The following KAZN variants were observed in gnomAD, a reference collection of about 807,000 sequenced individuals.
KAZN encodes the protein kazrin.
KAZN carries 40 observed loss-of-function variants against 87.4 expected under a neutral mutation model. That is an observed-to-expected ratio of 0.46 (90% CI 0.36 to 0.60). KAZN has a LOEUF of 0.60. Among genes scored for constraint, KAZN ranks in the 20% least tolerant of loss-of-function variants. The probability of loss-of-function intolerance (pLI) is 0.00; values close to 1 mark genes in which losing one functional copy is unlikely to be tolerated. For synonymous variants in KAZN, 466 were observed against 458.3 expected (o/e 1.02, Z -0.22); for missense variants, 898 against 1,073.9 (o/e 0.84, Z 2.29).
intron 1 of KAZN, among the ~76,000 whole-genome samples, chr1:13,979,914 G>C (rs1247553220): frequency 8.0e-6 from 1 of 124,844 alleles, no homozygotes; most frequent in Non-Finnish European, 1.6e-5. Flanking sequence ...CTGGGCGACA[G>C]AGCAAGACTC....
intron 2 of KAZN, among the ~76,000 whole-genome samples, chr1:14,331,413 G>T (rs1355457457): frequency 6.6e-6 from 1 of 152,184 alleles, no homozygotes; most frequent in African/African-American, 2.4e-5. Flanking sequence ...ACAATTGACA[G>T]TAGTTTCTGA....
chr1:15,015,043 T>C (rs1434304923), intron 2 of KAZN, among the ~76,000 whole-genome samples: 1 of 152,200 alleles, frequency 6.6e-6, no homozygotes, highest in Non-Finnish European at 1.5e-5. Context: ...TAATAATATA[T>C]AAAGTTTTAG....
chr1:14,253,485 A>G (rs1650234826), intron 2 of KAZN, among the ~76,000 whole-genome samples: 1 of 152,238 alleles, frequency 6.6e-6, no homozygotes, highest in South Asian at 2.1e-4. Context: ...AATTGTCCAT[A>G]GGACTATTTG....
At chr1:13,969,013 T>C (rs111779105) in intron 1 of KAZN, among the ~76,000 whole-genome samples, 22 of 152,340 alleles carry the variant, frequency 1.4e-4, no homozygotes, top group African/African-American at 5.3e-4. Context: ...TATTTGTACC[T>C]GTATGGATTA....
intron 1 of KAZN, among the ~76,000 whole-genome samples, chr1:14,096,738 A>G (rs1238460522): frequency 6.6e-6 from 1 of 152,202 alleles, no homozygotes; most frequent in Non-Finnish European, 1.5e-5. Context: ...TTATGAGCTG[A>G]GGTTCTCAGA....
chr1:14,662,444 C>A (rs1371880128), intron 1 of KAZN, among the ~76,000 whole-genome samples: 1 of 152,066 alleles, frequency 6.6e-6, no homozygotes. Flanking sequence ...CCCTTGTCTT[C>A]GGGACTAAAC....
At chr1:14,256,502 A>G (rs907987897) in intron 2 of KAZN, among the ~76,000 whole-genome samples, 2 of 152,172 alleles carry the variant, frequency 1.3e-5, no homozygotes, top group Admixed American at 1.3e-4. Context: ...AAGGAGACAG[A>G]GAGAGGAAAG....
At chr1:15,069,896 C>T (rs992904463) in intron 8 of KAZN, among the ~76,000 whole-genome samples, 4 of 152,214 alleles carry the variant, frequency 2.6e-5, no homozygotes, top group Non-Finnish European at 5.9e-5. Flanking sequence ...GCTAAAACAG[C>T]TGTAACCAAT....
At chr1:14,256,337 C>T (rs1042525757) in intron 2 of KAZN, among the ~76,000 whole-genome samples, 1 of 152,038 alleles carries the variant, frequency 6.6e-6, no homozygotes, top group African/African-American at 2.4e-5. Flanking sequence ...ATTAGACACC[C>T]CATATTACCC....
intron 2 of KAZN, among the ~76,000 whole-genome samples, chr1:14,259,418 G>C (rs1478455976): frequency 2.0e-5 from 3 of 152,098 alleles, no homozygotes; most frequent in Non-Finnish European, 4.4e-5. Flanking sequence ...ACAAGCACGT[G>C]ATGTACCCAG....
At chr1:14,388,022 C>T (rs966857271) in intron 2 of KAZN, among the ~76,000 whole-genome samples, 2 of 152,176 alleles carry the variant, frequency 1.3e-5, no homozygotes, top group East Asian at 3.9e-4. Context: ...CCTGGTGTGC[C>T]GTTTTTTAAG....
chr1:14,947,845 G>A (rs773444995), intron 1 of KAZN, among the ~76,000 whole-genome samples: 8 of 152,248 alleles, frequency 5.3e-5, no homozygotes, highest in Non-Finnish European at 1.2e-4. Flanking sequence ...GTGGCTGTGG[G>A]TTGGTGCAAA....
chr1:14,634,261 G>A (rs965715184), intron 1 of KAZN, among the ~76,000 whole-genome samples: 6 of 152,074 alleles, frequency 3.9e-5, no homozygotes, highest in Non-Finnish European at 8.8e-5. Flanking sequence ...CTGTCCCCAC[G>A]AGTATGTATC....
At chr1:14,862,775 G>A (rs551248603) in intron 1 of KAZN, among the ~76,000 whole-genome samples, 2 of 152,314 alleles carry the variant, frequency 1.3e-5, no homozygotes, top group South Asian at 4.1e-4. Context: ...TATTCGGGAT[G>A]TGCTCAGCTT....
At chr1:14,703,844 G>A (rs968683515) in intron 1 of KAZN, among the ~76,000 whole-genome samples, 13 of 152,260 alleles carry the variant, frequency 8.5e-5, no homozygotes, top group East Asian at 3.9e-4. Flanking sequence ...GCGTCGCTGC[G>A]CTTCAGCCTG....
chr1:14,935,598 G>A (rs536818870), intron 1 of KAZN, among the ~76,000 whole-genome samples: 18 of 152,212 alleles, frequency 1.2e-4, no homozygotes, highest in African/African-American at 3.6e-4. Flanking sequence ...CGATGCTGAT[G>A]TAACTATAGT....
chr1:14,090,500 A>G (rs778516443), intron 1 of KAZN, among the ~76,000 whole-genome samples: 3 of 151,572 alleles, frequency 2.0e-5, no homozygotes, highest in Admixed American at 2.0e-4. Flanking sequence ...TATAGCTTCC[A>G]TTTCTCTCCA....
At chr1:13,901,464 C>CGA (rs1639248085) in intron 1 of KAZN, among the ~76,000 whole-genome samples, 2 of 152,198 alleles carry the variant, frequency 1.3e-5, no homozygotes. Flanking sequence ...TGCCACTTCT[C>CGA]AGAGATTCTA....
Position 14,541,616 on chromosome 1 carries a change from C to T in KAZN, c.250-57367C>T, listed in dbSNP as rs1672816752. ...GCGTTAGGAGAATAAATGAGATTTG[C>T]TCTGGGGAGGGCTTTCGGCATTTCA... On this transcript the variant is annotated intron_variant, in intron 2 of 16. Transcript: ENST00000636203. Among the ~76,000 whole-genome samples, 5 of 152,284 alleles carry T rather than the reference C, an allele frequency of 3.3e-5. No individual in the cohort carries two copies. The South Asian group carries it at 8.3e-4, about 25-fold the overall frequency.
Sources: gnomAD v4.1 joint callset for allele counts (sites outside exome capture counted in the v4.1 genomes callset) on GRCh38, gnomAD v4.1.1 for gene constraint, MANE v1.5 for transcripts, NCBI Gene and HGNC (gene_info 2026-07-23, HGNC 2026-07-21) for gene names.